The following CAB39L variants were observed in gnomAD, a reference collection of about 807,000 sequenced individuals.
The protein encoded by CAB39L is calcium-binding protein 39-like.
In CAB39L, 23 loss-of-function variants were observed where a neutral mutation model predicts 39.1. That is an observed-to-expected ratio of 0.59 (90% CI 0.42 to 0.83). CAB39L has a LOEUF of 0.83. Among genes scored for constraint, CAB39L ranks in the 40% least tolerant of loss-of-function variants. CAB39L has a pLI of 0.00. For missense variants in CAB39L, 366 were observed against 391.9 expected (o/e 0.93, Z 0.56); for synonymous variants, 126 against 137.2 (o/e 0.92, Z 0.57).
chr13:49,345,470 T>C (rs1955121170), intron 7 of CAB39L, among the ~76,000 whole-genome samples: 1 of 152,202 alleles, frequency 6.6e-6, no homozygotes, highest in South Asian at 2.1e-4. Flanking sequence ...ATTACCACTC[T>C]GGAACTGAAG....
chr13:49,399,466 C>T (rs1207654818), intron 3 of CAB39L, among the ~76,000 whole-genome samples: 13 of 151,956 alleles, frequency 8.6e-5, no homozygotes, highest in Admixed American at 7.9e-4. Flanking sequence ...TATTTAGTTT[C>T]GTCATTGGAA....
chr13:49,402,198 T>C (rs1956789213), intron 3 of CAB39L, among the ~76,000 whole-genome samples: 1 of 152,128 alleles, frequency 6.6e-6, no homozygotes, highest in African/African-American at 2.4e-5. Flanking sequence ...ACACCTCTTA[T>C]AAGAATTACA....
intron 3 of CAB39L, 105 bp downstream of exon 3, chr13:49,433,213 A>G (rs1957353959): frequency 3.4e-6 from 1 of 292,166 alleles, no homozygotes; most frequent in Non-Finnish European, 6.7e-6. Context: ...ATTTAAATAC[A>G]ATATTATATT....
intron 3 of CAB39L, among the ~76,000 whole-genome samples, chr13:49,392,278 G>C (rs561268115): frequency 2.9e-4 from 44 of 152,112 alleles, no homozygotes; most frequent in Non-Finnish European, 5.6e-4. Context: ...TACAATAAAG[G>C]CTATATTAAA....
chr13:49,368,260 T>C (rs527697774), intron 5 of CAB39L, among the ~76,000 whole-genome samples: 22 of 152,286 alleles, frequency 1.4e-4, no homozygotes, highest in African/African-American at 5.3e-4. Flanking sequence ...CATTAGCAAA[T>C]GTGTGCAAAG....
intron 3 of CAB39L, among the ~76,000 whole-genome samples, chr13:49,383,912 T>C (rs1003308785): frequency 6.6e-6 from 1 of 152,218 alleles, no homozygotes; most frequent in Non-Finnish European, 1.5e-5. Context: ...CCTAATCTTT[T>C]TGCTGGTTGG....
At chr13:49,361,055 G>A (rs1254813963) in intron 5 of CAB39L, among the ~76,000 whole-genome samples, 3 of 152,138 alleles carry the variant, frequency 2.0e-5, no homozygotes, top group Non-Finnish European at 2.9e-5. Flanking sequence ...CTATGAAAGA[G>A]CTTGCTTCAG....
At chr13:49,398,207 T>G (rs1202548781) in intron 3 of CAB39L, among the ~76,000 whole-genome samples, 1 of 152,112 alleles carries the variant, frequency 6.6e-6, no homozygotes, top group Admixed American at 6.6e-5. Context: ...TATGAGTTTC[T>G]GCTAGAAGTT....
At chr13:49,315,321 G>C (rs1471864990) in intron 10 of CAB39L, among the ~76,000 whole-genome samples, 1 of 152,018 alleles carries the variant, frequency 6.6e-6, no homozygotes, top group African/African-American at 2.4e-5. Context: ...GCCAGGCCAG[G>C]GGACCCATAA....
intron 10 of CAB39L, among the ~76,000 whole-genome samples, chr13:49,322,474 C>T (rs183139259): frequency 1.3e-5 from 2 of 152,326 alleles, no homozygotes; most frequent in South Asian, 2.1e-4. Context: ...TGCAGTGTCA[C>T]ATACAGCAGT....
intron 10 of CAB39L, among the ~76,000 whole-genome samples, chr13:49,318,868 T>C (rs957590568): frequency 1.3e-5 from 2 of 151,594 alleles, no homozygotes; most frequent in African/African-American, 4.9e-5. Flanking sequence ...AGCCAAAAGG[T>C]GCAAACAACC....
At chr13:49,317,958 A>G (rs779690378) in intron 10 of CAB39L, among the ~76,000 whole-genome samples, 1 of 152,210 alleles carries the variant, frequency 6.6e-6, no homozygotes, top group Non-Finnish European at 1.5e-5. Flanking sequence ...AAGAACTTGA[A>G]CAGACATTTC....
intron 4 of CAB39L, among the ~76,000 whole-genome samples, chr13:49,377,890 T>C (rs1262093102): frequency 2.4e-4 from 14 of 58,682 alleles, no homozygotes; most frequent in East Asian, 1.0e-3. Flanking sequence ...CCGGCCGCCA[T>C]CCCATCTAGG....
At chr13:49,367,930 CAA>C (rs148092096) in intron 5 of CAB39L, among the ~76,000 whole-genome samples, 5 of 135,022 alleles carry the variant, frequency 3.7e-5, no homozygotes, top group Non-Finnish European at 6.4e-5. Context: ...GACCCTGTCT[CAA>C]AAAAAAAAAA....
chr13:49,342,979 C>A (rs1000197397), intron 8 of CAB39L, among the ~76,000 whole-genome samples: 1 of 152,060 alleles, frequency 6.6e-6, no homozygotes, highest in African/African-American at 2.4e-5. Flanking sequence ...TCACCTGTTT[C>A]TTTTTACCTC....
At chr13:49,329,598 A>T (rs1296333567) in intron 10 of CAB39L, among the ~76,000 whole-genome samples, 1 of 129,608 alleles carries the variant, frequency 7.7e-6, no homozygotes, top group African/African-American at 2.7e-5. Flanking sequence ...TATATATATA[A>T]TGATGTAATA....
chr13:49,355,792 C>CAT (rs758449126), intron 6 of CAB39L, among the ~76,000 whole-genome samples: 3 of 151,498 alleles, frequency 2.0e-5, no homozygotes, highest in Non-Finnish European at 4.4e-5. Flanking sequence ...TACACACACA[C>CAT]ATATATAAAG....
intron 3 of CAB39L, among the ~76,000 whole-genome samples, chr13:49,432,529 C>T (rs1957344081): frequency 1.3e-5 from 2 of 152,082 alleles, no homozygotes; most frequent in African/African-American, 2.4e-5. Flanking sequence ...GACTCTTGCT[C>T]TTGGTGTTTT....
At chr13:49,385,872 CA>C (rs1372420063) in intron 3 of CAB39L, among the ~76,000 whole-genome samples, 1 of 151,936 alleles carries the variant, frequency 6.6e-6, no homozygotes, top group Non-Finnish European at 1.5e-5. Flanking sequence ...TATGTACTAA[CA>C]ATGAAAAAGT....
Sources: allele counts gnomAD v4.1 joint callset (sites outside exome capture counted in the v4.1 genomes callset), GRCh38; gene constraint gnomAD v4.1.1; transcripts MANE v1.5; gene names NCBI Gene and HGNC (gene_info 2026-07-23, HGNC 2026-07-21).